The following ITSN2 variants were observed in gnomAD, a reference collection of about 807,000 sequenced individuals.
ITSN2 encodes intersectin 2, also known as intersectin-2.
Under a neutral mutation model 243.7 loss-of-function variants are expected in ITSN2, and 156 were observed. The ratio of observed to expected loss-of-function variants is 0.64; its 90% CI spans 0.56 to 0.73. The LOEUF (loss-of-function observed/expected upper bound fraction) is 0.73. ITSN2 is among the 30% of genes least tolerant of loss of function. The pLI, the probability that ITSN2 is intolerant of heterozygous loss-of-function variation, is 0.00. For synonymous variants in ITSN2, 703 were observed against 699.9 expected, an observed-to-expected ratio of 1.00 and a Z score of -0.07; for missense variants, 1,801 against 1,996.1, an observed-to-expected ratio of 0.90 and a Z score of 1.86.
intron 13 of ITSN2, among the ~76,000 whole-genome samples, chr2:24,298,303 G>A (rs571625572): frequency 4.6e-5 from 7 of 152,074 alleles, no homozygotes; most frequent in South Asian, 2.1e-4. Context: ...GACTACAGGC[G>A]CACACCACCA....
intron 2 of ITSN2, among the ~76,000 whole-genome samples, chr2:24,322,300 A>G (rs1684661227): frequency 6.6e-6 from 1 of 152,242 alleles, no homozygotes; most frequent in African/African-American, 2.4e-5. Context: ...AGAAGGAAAC[A>G]GTGGTACAGA....
chr2:24,325,342 C>T lies in ITSN2; in HGVS notation c.31+2710G>A, dbSNP rs571233534. On this transcript the variant is annotated intron_variant, in intron 2 of 39. Transcript: ENST00000355123. Reference sequence around the variant, plus strand: ...GGAGGATTGCTTGAATCTAGCAAGTCGAGGCTGCAGTGAGCTGTGTTCATA... The same window carrying T: ...GGAGGATTGCTTGAATCTAGCAAGTTGAGGCTGCAGTGAGCTGTGTTCATA... Among the ~76,000 whole-genome samples the T allele has an allele frequency of 4.6e-5, 7 of 151,994 alleles. No homozygotes were observed. The East Asian group carries it at 9.7e-4, about 21-fold the overall frequency.
At position 24,220,958 on chromosome 2, in the gene ITSN2, T is replaced by G; in HGVS notation, c.3686A>C (p.Gln1229Pro). Residue 1229 changes from glutamine (Q) to proline (P), a missense_variant, in exon 30 of 40, where the codon CAG becomes CCG. Around this residue, in one of 5 missense-constraint regions of ITSN2, gnomAD observed 928 missense variants for 1,065.4 expected, o/e 0.87. Transcript: ENST00000355123. Reference protein sequence around the residue: ...QTEERYMADLQLVVEVFQKRM... With the variant: ...QTEERYMADLPLVVEVFQKRM... The stretch of plus-strand genomic sequence containing the variant: ...CAGCCTCCTCACCTCGACGACGAGC[T>G]GAAGGTCAGCCATGTACCGCTCTTC... The G allele has an allele frequency of 6.3e-7, 1 of 1,599,676 alleles. No homozygotes were observed. Among genetic ancestry groups the G allele is most frequent in the Non-Finnish European group, 8.5e-7 (1 of 1,173,962 alleles).
intron 7 of ITSN2, chr2:24,309,074 T>C (rs780947875): frequency 4.3e-4 from 100 of 233,544 alleles, no homozygotes; most frequent in Non-Finnish European, 9.2e-4. Flanking sequence ...ATCTGAGATG[T>C]AACAGTTTCA....
chr2:24,230,392 C>G (rs1331326919), intron 29 of ITSN2, among the ~76,000 whole-genome samples: 1 of 152,184 alleles, frequency 6.6e-6, no homozygotes, highest in African/African-American at 2.4e-5. Context: ...AATGGATCTC[C>G]TGGCTTCTGA....
intron 2 of ITSN2, among the ~76,000 whole-genome samples, chr2:24,316,603 T>G (rs376832129): frequency 2.0e-5 from 3 of 152,216 alleles, no homozygotes; most frequent in Non-Finnish European, 4.4e-5. Context: ...AGCTTTTAAT[T>G]TGGAATAATT....
Position 24,203,560 on chromosome 2 carries a change from G to A in ITSN2, c.*66C>T. The A allele has an allele frequency of 1.3e-6, 2 of 1,509,074 alleles. No homozygotes were observed. The highest frequency in any genetic ancestry group is 1.8e-6 in the Non-Finnish European group (2 of 1,114,418). 93.5% of individuals were successfully genotyped at this position (1,509,074 alleles called of 1,614,324 possible). ...ATGGTGCTCCCTCAGCCCCAAGAGA[G>A]CGCAGTCTCTCATTCTCCAGCCCCA... is the stretch of plus-strand genomic sequence containing the variant. On this transcript the variant is annotated 3_prime_UTR_variant, in exon 40 of 40. Coordinates refer to ENST00000355123, the MANE Select transcript of ITSN2 (RefSeq NM_006277.3).
At chr2:24,356,392 G>C (rs1249032902) in intron 1 of ITSN2, among the ~76,000 whole-genome samples, 2 of 148,828 alleles carry the variant, frequency 1.3e-5, no homozygotes, top group Non-Finnish European at 3.0e-5. Flanking sequence ...TCATCAGAGT[G>C]AACAGGCAAC....
Position 24,261,226 on chromosome 2 carries a change from T to C in ITSN2, c.2562A>G (p.Ala854=), listed in dbSNP as rs752315473. ...SSEPLSSNQP[A]SVTDYQNVSF... Reference sequence around the variant, plus strand: ...ATACATTTTGATAATCAGTCACTGATGCTGGTTGATTTGAAGAAAGTGGTC... The same window carrying C: ...ATACATTTTGATAATCAGTCACTGACGCTGGTTGATTTGAAGAAAGTGGTC... Residue 854 remains alanine, a synonymous_variant, in exon 22 of 40, where the codon GCA becomes GCG. Transcript: ENST00000355123. 6 of 1,612,018 alleles carry C rather than the reference T, an allele frequency of 3.7e-6. No homozygotes were observed. In the South Asian group the frequency reaches 4.4e-5, roughly 12 times the overall value.
intron 29 of ITSN2, among the ~76,000 whole-genome samples, chr2:24,236,673 C>T (rs201784661): frequency 3.3e-4 from 46 of 137,760 alleles, no homozygotes; most frequent in Middle Eastern, 3.7e-3. Context: ...GTTTTTTTTT[C>T]TTTTTTTTTT....
intron 8 of ITSN2, among the ~76,000 whole-genome samples, chr2:24,307,382 C>A (rs2151714250): frequency 6.6e-6 from 1 of 150,940 alleles, no homozygotes; most frequent in East Asian, 1.9e-4. Flanking sequence ...AAAAAGCATA[C>A]CTTGTTTCAT....
chr2:24,328,329 C>G (rs1195607740), intron 1 of ITSN2, among the ~76,000 whole-genome samples: 1 of 152,098 alleles, frequency 6.6e-6, no homozygotes, highest in African/African-American at 2.4e-5. Context: ...TACAGAAAAA[C>G]AGTCACATAT....
intron 1 of ITSN2, among the ~76,000 whole-genome samples, chr2:24,351,784 C>A: frequency 6.6e-6 from 1 of 152,116 alleles, no homozygotes; most frequent in Admixed American, 6.5e-5. Context: ...AGTTATCAGA[C>A]CGACTGTCAC....
chr2:24,300,194 C>G, intron 11 of ITSN2, 23 bp from the exon 12 acceptor site: 1 of 1,611,876 alleles, frequency 6.2e-7, no homozygotes, highest in Non-Finnish European at 8.5e-7. Flanking sequence ...TGCCTATCAG[C>G]ATCCACACAC....
chr2:24,344,818 G>A (rs997567464), intron 1 of ITSN2, among the ~76,000 whole-genome samples: 4 of 152,156 alleles, frequency 2.6e-5, no homozygotes, highest in Admixed American at 1.3e-4. Context: ...TGGGCGTGGT[G>A]GCGGGCACCT....
intron 5 of ITSN2, chr2:24,311,562 T>C (rs926483400): frequency 6.0e-6 from 1 of 167,078 alleles, no homozygotes; most frequent in African/African-American, 2.4e-5. Flanking sequence ...TTCTATATTC[T>C]AAGATCTGTA....
intron 16 of ITSN2, among the ~76,000 whole-genome samples, chr2:24,285,131 G>A (rs1422190055): frequency 6.6e-5 from 10 of 151,928 alleles, no homozygotes; most frequent in South Asian, 4.1e-4. Flanking sequence ...TCTTGACCTC[G>A]TGATCCGCCC....
intron 1 of ITSN2, among the ~76,000 whole-genome samples, chr2:24,328,622 C>T (rs542467602): frequency 6.6e-6 from 1 of 152,068 alleles, no homozygotes; most frequent in African/African-American, 2.4e-5. Flanking sequence ...TCCACCACAC[C>T]TGGCTAATTT....
At chr2:24,247,279 G>A (rs1673505074) in intron 27 of ITSN2, among the ~76,000 whole-genome samples, 2 of 152,214 alleles carry the variant, frequency 1.3e-5, no homozygotes, top group Admixed American at 6.5e-5. Flanking sequence ...TACTCTGTGT[G>A]TATTGTCACA....
Sources: allele counts gnomAD v4.1 joint callset (sites outside exome capture counted in the v4.1 genomes callset), GRCh38; gene constraint gnomAD v4.1.1; regional missense constraint gnomAD v4.1.1; transcripts MANE v1.5; gene names NCBI Gene and HGNC (gene_info 2026-07-23, HGNC 2026-07-21).